Variants in MEIS2 observed in about 807,000 individuals in gnomAD.
MEIS2 encodes the protein homeobox protein Meis2.
Under a neutral mutation model 58.6 loss-of-function variants are expected in MEIS2, and 9 were observed. That is an observed-to-expected ratio of 0.15 (90% CI 0.09 to 0.27). The LOEUF (loss-of-function observed/expected upper bound fraction) is 0.27. Ranked by LOEUF, MEIS2 falls within the 10% of genes least tolerant of loss-of-function variation. MEIS2 has a pLI of 1.00. For missense variants in MEIS2, 427 were observed against 635.0 expected (o/e 0.67, Z 3.52); for synonymous variants, 221 against 228.4 (o/e 0.97, Z 0.29).
intron 7 of MEIS2, among the ~76,000 whole-genome samples, chr15:37,076,723 C>T (rs1236973599): frequency 6.6e-6 from 1 of 151,998 alleles, no homozygotes; most frequent in Admixed American, 6.6e-5. Context: ...TAGACTATTT[C>T]CACAATATTA....
In MEIS2 at chr15:36,950,252, A is replaced by G. The variant is rs79696196; in HGVS notation, c.977+72T>C. 212 of 1,314,454 alleles carry G rather than the reference A, an allele frequency of 1.6e-4. 1 individual carries two copies. The highest frequency in any genetic ancestry group is 1.6e-3 in the East Asian group (69 of 42,936). 81.4% of individuals were successfully genotyped at this position (1,314,454 alleles called of 1,614,324 possible). Reference sequence around the variant, plus strand: ...TCATTTGTTTTAGAAAAAAAAAAAAAAGAGAGAAAACCATTATTTAGAAAT... The same window carrying G: ...TCATTTGTTTTAGAAAAAAAAAAAAGAGAGAGAAAACCATTATTTAGAAAT... On this transcript the variant is annotated intron_variant, in intron 9 of 11. Transcript: ENST00000561208.
At chr15:37,037,335 T>C (rs528697939) in intron 7 of MEIS2, among the ~76,000 whole-genome samples, 1 of 152,302 alleles carries the variant, frequency 6.6e-6, no homozygotes, top group South Asian at 2.1e-4. Flanking sequence ...AGTTAAATGT[T>C]CTGTAGTCTA....
At chr15:37,030,807 A>G (rs2061889552) in intron 8 of MEIS2, among the ~76,000 whole-genome samples, 5 of 150,836 alleles carry the variant, frequency 3.3e-5, no homozygotes, top group Admixed American at 2.6e-4. Context: ...TGCCCAGCCA[A>G]TTAAAAAAAA....
At chr15:37,083,487 A>G (rs1256240274) in intron 7 of MEIS2, among the ~76,000 whole-genome samples, 3 of 152,234 alleles carry the variant, frequency 2.0e-5, no homozygotes, top group Non-Finnish European at 4.4e-5. Context: ...TTCCACTTAT[A>G]CACACAGAAA....
At chr15:37,058,345 G>A (rs1046557787) in intron 7 of MEIS2, among the ~76,000 whole-genome samples, 6 of 152,162 alleles carry the variant, frequency 3.9e-5, no homozygotes, top group African/African-American at 2.4e-5. Context: ...AATAGTAAAG[G>A]TCTGGAAGAA....
At chr15:36,941,321 G>A (rs2058367581) in intron 9 of MEIS2, among the ~76,000 whole-genome samples, 1 of 152,164 alleles carries the variant, frequency 6.6e-6, no homozygotes, top group Non-Finnish European at 1.5e-5. Context: ...TTGCCCATGG[G>A]CACTCAAGAA....
At chr15:36,980,506 A>G (rs1266185833) in intron 8 of MEIS2, among the ~76,000 whole-genome samples, 2 of 152,118 alleles carry the variant, frequency 1.3e-5, no homozygotes, top group African/African-American at 2.4e-5. Flanking sequence ...ACTCCCCCTT[A>G]TAATAACCAT....
At chr15:37,014,706 G>A (rs188865429) in intron 8 of MEIS2, among the ~76,000 whole-genome samples, 200 of 152,260 alleles carry the variant, frequency 1.3e-3, no homozygotes, top group Non-Finnish European at 2.2e-3. Context: ...CAGCTTCAGA[G>A]CACAGGTTAC....
chr15:36,920,809 A>G (rs1275612352), intron 9 of MEIS2, among the ~76,000 whole-genome samples: 2 of 152,196 alleles, frequency 1.3e-5, no homozygotes, highest in Non-Finnish European at 2.9e-5. Context: ...AAAAAGAAAA[A>G]CTACTATGGA....
upstream of MEIS2, chr15:37,101,303 CGTGTGT>C (rs371810726): frequency 0.044 from 5,601 of 128,460 alleles, 214 homozygotes; most frequent in South Asian, 0.059. Context: ...TAGCCAAAGG[CGTGTGT>C]GTGTGTGTGT....
intron 8 of MEIS2, among the ~76,000 whole-genome samples, chr15:37,004,531 G>A (rs750514065): frequency 1.3e-5 from 2 of 152,228 alleles, no homozygotes; most frequent in Non-Finnish European, 2.9e-5. Context: ...GGCCTCAATA[G>A]ATGATTCTGT....
chr15:36,911,421 A>G (rs1172998149), intron 9 of MEIS2, among the ~76,000 whole-genome samples: 4 of 152,182 alleles, frequency 2.6e-5, no homozygotes. Flanking sequence ...TGTCTGTTAC[A>G]TGTGTTGGAG....
chr15:36,971,760 C>T (rs1016812193), intron 8 of MEIS2, among the ~76,000 whole-genome samples: 1 of 151,980 alleles, frequency 6.6e-6, no homozygotes, highest in African/African-American at 2.4e-5. Context: ...TCCTTAACAG[C>T]CTAAGCAACA....
At chr15:36,894,890 A>G (rs1350807676) in intron 11 of MEIS2, 18 of 1,216,588 alleles carry the variant, frequency 1.5e-5, no homozygotes, top group Non-Finnish European at 1.7e-5. Context: ...GGAAACTCAG[A>G]TTCCTTTTCA....
chr15:36,993,967 A>G (rs2060386597), intron 8 of MEIS2, among the ~76,000 whole-genome samples: 1 of 152,138 alleles, frequency 6.6e-6, no homozygotes. Context: ...TGTGAAGTTG[A>G]GATGATTTTC....
At chr15:36,984,419 T>TC (rs1360668200) in intron 8 of MEIS2, among the ~76,000 whole-genome samples, 2 of 152,136 alleles carry the variant, frequency 1.3e-5, no homozygotes, top group Non-Finnish European at 2.9e-5. Context: ...TGTTGAACCA[T>TC]CCTTGCATGC....
At chr15:36,898,791 T>TA (rs2056317717) in intron 9 of MEIS2, 1 of 152,192 alleles carries the variant, frequency 6.6e-6, no homozygotes, top group Non-Finnish European at 1.5e-5. Flanking sequence ...TTTACATTAG[T>TA]AAAAACGAGG....
chr15:36,991,840 T>G (rs1446757375), intron 8 of MEIS2, among the ~76,000 whole-genome samples: 1 of 124,618 alleles, frequency 8.0e-6, no homozygotes, highest in Non-Finnish European at 1.6e-5. Flanking sequence ...CAGGCTGGAG[T>G]GCAGTGGCGG....
chr15:36,998,896 G>A (rs111944524), intron 8 of MEIS2, among the ~76,000 whole-genome samples: 7 of 152,278 alleles, frequency 4.6e-5, no homozygotes, highest in African/African-American at 1.7e-4. Flanking sequence ...CCAAGTGCTG[G>A]CTGAAACCAA....
Sources: gnomAD v4.1 joint callset for allele counts (sites outside exome capture counted in the v4.1 genomes callset) on GRCh38, gnomAD v4.1.1 for gene constraint, MANE v1.5 for transcripts, NCBI Gene and HGNC (gene_info 2026-07-23, HGNC 2026-07-21) for gene names.